Variants in GPHN observed in about 807,000 individuals in gnomAD.
GPHN encodes gephyrin.
Under a neutral mutation model 95.5 loss-of-function variants are expected in GPHN, and 17 were observed. That is an observed-to-expected ratio of 0.18 (90% CI 0.12 to 0.27). GPHN has a LOEUF of 0.27. Among genes scored for constraint, GPHN ranks in the 10% least tolerant of loss-of-function variants. The pLI, the probability that GPHN is intolerant of heterozygous loss-of-function variation, is 1.00. For missense variants in GPHN, 660 were observed against 978.1 expected (o/e 0.67, Z 4.34); for synonymous variants, 320 against 322.5 (o/e 0.99, Z 0.08).
intron 2 of GPHN, among the ~76,000 whole-genome samples, chr14:66,734,510 C>G (rs1431895843): frequency 6.6e-6 from 1 of 152,164 alleles, no homozygotes; most frequent in African/African-American, 2.4e-5. Context: ...ATAACCTTGT[C>G]TAAAGTGACC....
intron 12 of GPHN, among the ~76,000 whole-genome samples, chr14:67,098,570 G>T (rs1260615796): frequency 6.6e-6 from 1 of 152,122 alleles, no homozygotes; most frequent in Non-Finnish European, 1.5e-5. Flanking sequence ...AGCATTTTGG[G>T]AGGCCGAGGC....
chr14:67,236,441 C>T, the GPHN span, among the ~76,000 whole-genome samples: 1 of 152,138 alleles, frequency 6.6e-6, no homozygotes, highest in South Asian at 2.1e-4. Flanking sequence ...TTTTATTTGT[C>T]TTATCGTGTC....
intron 3 of GPHN, among the ~76,000 whole-genome samples, chr14:66,789,410 C>A (rs77883634): frequency 0.015 from 2,343 of 152,304 alleles, 32 homozygotes; most frequent in Non-Finnish European, 0.018. Context: ...GAGCTCTTTC[C>A]TATGTAAACA....
At chr14:67,018,394 TG>T (rs2073425562) in intron 9 of GPHN, among the ~76,000 whole-genome samples, 1 of 152,166 alleles carries the variant, frequency 6.6e-6, no homozygotes, top group Non-Finnish European at 1.5e-5. Flanking sequence ...TAATCTAAGC[TG>T]GATCTTAAAG....
intron 10 of GPHN, among the ~76,000 whole-genome samples, chr14:67,027,476 T>A (rs143961644): frequency 0.012 from 1,827 of 152,046 alleles, 19 homozygotes; most frequent in Non-Finnish European, 0.018. Context: ...GACTACAGGC[T>A]TGTGCCACCA....
the GPHN span, among the ~76,000 whole-genome samples, chr14:67,558,222 G>A: frequency 5.1e-4 from 78 of 152,130 alleles, 1 homozygote; most frequent in Non-Finnish European, 7.6e-4. Flanking sequence ...CTTTCCCCTC[G>A]TGCCAGAATG....
chr14:66,978,130 T>C (rs2070387420), intron 9 of GPHN, among the ~76,000 whole-genome samples: 1 of 152,242 alleles, frequency 6.6e-6, no homozygotes, highest in Non-Finnish European at 1.5e-5. Flanking sequence ...TAAACCGTTA[T>C]TACAATCATC....
chr14:67,563,903 G>GT, the GPHN span, among the ~76,000 whole-genome samples: 20 of 135,444 alleles, frequency 1.5e-4, no homozygotes, highest in South Asian at 4.8e-4. Flanking sequence ...CCGGCTAACT[G>GT]TTTTTTTTTT....
the GPHN span, among the ~76,000 whole-genome samples, chr14:67,506,640 T>C: frequency 1.3e-5 from 2 of 152,134 alleles, no homozygotes; most frequent in East Asian, 3.9e-4. Context: ...CAACCTTGAA[T>C]ATGATGAAAT....
chr14:66,671,358 A>T (rs2066297925), intron 1 of GPHN, among the ~76,000 whole-genome samples: 1 of 152,190 alleles, frequency 6.6e-6, no homozygotes, highest in South Asian at 2.1e-4. Flanking sequence ...CATGAGGTCA[A>T]AAATATTTGG....
chr14:67,735,331 G>A, the GPHN span: 1 of 786,402 alleles, frequency 1.3e-6, no homozygotes, highest in Non-Finnish European at 2.3e-6. Context: ...ACACCAAAAG[G>A]ACCATCTAGT....
chr14:66,687,231 G>C (rs949414821), intron 2 of GPHN, among the ~76,000 whole-genome samples: 6 of 152,042 alleles, frequency 3.9e-5, no homozygotes, highest in African/African-American at 1.4e-4. Context: ...AGATATCCAG[G>C]AATTGAACTC....
At chr14:67,528,303 C>T in the GPHN span, among the ~76,000 whole-genome samples, 8 of 152,296 alleles carry the variant, frequency 5.3e-5, 1 homozygote, top group South Asian at 2.1e-4. Flanking sequence ...TTGTCTACAG[C>T]GGCCACACAT....
chr14:66,724,832 A>G (rs1262555190), intron 2 of GPHN, among the ~76,000 whole-genome samples: 2 of 152,226 alleles, frequency 1.3e-5, no homozygotes, highest in African/African-American at 4.8e-5. Context: ...TTCTCACCCT[A>G]TCATATTAAA....
the GPHN span, among the ~76,000 whole-genome samples, chr14:67,695,368 AG>A: frequency 6.6e-6 from 1 of 152,166 alleles, no homozygotes; most frequent in South Asian, 2.1e-4. Flanking sequence ...AGCCAGAATC[AG>A]GGGGTGCTTA....
At chr14:67,230,488 C>T in the GPHN span, among the ~76,000 whole-genome samples, 1 of 152,060 alleles carries the variant, frequency 6.6e-6, no homozygotes, top group Non-Finnish European at 1.5e-5. Flanking sequence ...TGGAAGATTG[C>T]TTGAGCTCAG....
chr14:66,666,412 TA>T (rs201341918), intron 1 of GPHN, among the ~76,000 whole-genome samples: 48 of 147,062 alleles, frequency 3.3e-4, no homozygotes, highest in Middle Eastern at 3.5e-3. Context: ...CATTTTTTAA[TA>T]AAAAAAAAAG....
At chr14:67,604,761 T>G in the GPHN span, among the ~76,000 whole-genome samples, 1 of 152,172 alleles carries the variant, frequency 6.6e-6, no homozygotes, top group Non-Finnish European at 1.5e-5. Context: ...CCTAGAAGCT[T>G]AATTATTTTA....
chr14:66,573,353 T>C (rs2140385904), intron 1 of GPHN, among the ~76,000 whole-genome samples: 1 of 152,358 alleles, frequency 6.6e-6, no homozygotes, highest in South Asian at 2.1e-4. Context: ...CTGGTAGTAT[T>C]TGTTTACATA....
Sources: gnomAD v4.1 joint callset for allele counts (sites outside exome capture counted in the v4.1 genomes callset) on GRCh38, gnomAD v4.1.1 for gene constraint, MANE v1.5 for transcripts, NCBI Gene and HGNC (gene_info 2026-07-23, HGNC 2026-07-21) for gene names.